DEUP1: variants seen among roughly 807,000 people sequenced by gnomAD.
DEUP1 encodes the protein coiled-coil domain containing 67.
A neutral mutation model predicts 87.4 loss-of-function variants in DEUP1; 82 were observed. The observed-to-expected ratio is 0.94, with a 90% CI of 0.78 to 1.13. The LOEUF (loss-of-function observed/expected upper bound fraction) is 1.13, where lower values mean the gene tolerates loss of function less well. DEUP1 is among the 50% of genes most tolerant of loss of function. The pLI is 0.00. For missense variants in DEUP1, 663 were observed against 681.5 expected (o/e 0.97, Z 0.30); for synonymous variants, 214 against 222.7 (o/e 0.96, Z 0.35).
At chr11:93,430,950 G>C (rs541306857) in intron 13 of DEUP1, among the ~76,000 whole-genome samples, 10 of 152,060 alleles carry the variant, frequency 6.6e-5, no homozygotes, top group Non-Finnish European at 8.8e-5. Flanking sequence ...ACAAAAATTG[G>C]CTGGGCGTGG....
At chr11:93,414,228 T>C (rs906462992) in intron 12 of DEUP1, among the ~76,000 whole-genome samples, 1 of 152,060 alleles carries the variant, frequency 6.6e-6, no homozygotes, top group South Asian at 2.1e-4. Context: ...CAAAGACTTG[T>C]TGGCTGGGCG....
In DEUP1 at chr11:93,389,144, T is replaced by C; in HGVS notation, c.1041+19T>C. On this transcript the variant is annotated intron_variant, in intron 9 of 13. Coordinates refer to ENST00000298050, the MANE Select transcript of DEUP1 (RefSeq NM_181645.4). Reference sequence around the variant, plus strand: ...GAACAAGGTATGAAAAATAATGAGCTCCATTCTTCCAGGTAGATGTGAACT... The same window carrying C: ...GAACAAGGTATGAAAAATAATGAGCCCCATTCTTCCAGGTAGATGTGAACT... The C allele has an allele frequency of 2.2e-6, 3 of 1,363,920 alleles. No homozygotes were observed. Among genetic ancestry groups the C allele is most frequent in the Non-Finnish European group, 3.1e-6 (3 of 972,136 alleles). 84.5% of individuals were successfully genotyped at this position (1,363,920 alleles called of 1,614,324 possible).
At chr11:93,392,415 C>A (rs973420567) in intron 9 of DEUP1, among the ~76,000 whole-genome samples, 1 of 151,946 alleles carries the variant, frequency 6.6e-6, no homozygotes, top group African/African-American at 2.4e-5. Flanking sequence ...CAGTAGTCTG[C>A]AAAATAGAGA....
intron 5 of DEUP1, among the ~76,000 whole-genome samples, chr11:93,369,707 G>A (rs1945615423): frequency 1.5e-4 from 1 of 6,476 alleles, no homozygotes; most frequent in Non-Finnish European, 2.9e-4. Context: ...CGAGGCGGGC[G>A]GATCACGAGG....
At chr11:93,344,980 G>C (rs565849221) in intron 2 of DEUP1, among the ~76,000 whole-genome samples, 73 of 151,902 alleles carry the variant, frequency 4.8e-4, no homozygotes, top group African/African-American at 1.7e-3. Context: ...GGACCCATTA[G>C]TTATTTTTCC....
At chr11:93,344,391 A>T (rs1353308965) in intron 2 of DEUP1, among the ~76,000 whole-genome samples, 4 of 152,186 alleles carry the variant, frequency 2.6e-5, no homozygotes, top group Admixed American at 6.6e-5. Context: ...ATTTTGAAAA[A>T]GTTAAGACCT....
intron 13 of DEUP1, among the ~76,000 whole-genome samples, chr11:93,420,800 A>C (rs1326908881): frequency 5.6e-4 from 71 of 126,432 alleles, no homozygotes; most frequent in African/African-American, 2.0e-3. Flanking sequence ...TCATGAGTGA[A>C]CTCCCATTCA....
intron 3 of DEUP1, among the ~76,000 whole-genome samples, chr11:93,356,459 A>T (rs1042373222): frequency 1.3e-5 from 2 of 152,204 alleles, no homozygotes; most frequent in Admixed American, 6.5e-5. Context: ...TGCCTTTTAA[A>T]GAGACAAATT....
At chr11:93,344,917 G>T (rs1013467076) in intron 2 of DEUP1, among the ~76,000 whole-genome samples, 1 of 150,056 alleles carries the variant, frequency 6.7e-6, no homozygotes, top group South Asian at 2.1e-4. Context: ...AGGTAAACTT[G>T]TGTCATGGGG....
intron 2 of DEUP1, among the ~76,000 whole-genome samples, chr11:93,337,869 C>T (rs3019216): frequency 0.99 from 151,281 of 152,336 alleles, 75,125 homozygotes; most frequent in East Asian, 1. Flanking sequence ...ACATACGTTT[C>T]ACAGGAAAAT....
At chr11:93,361,816 A>G (rs765822326) in intron 4 of DEUP1, among the ~76,000 whole-genome samples, 3 of 152,124 alleles carry the variant, frequency 2.0e-5, no homozygotes, top group Non-Finnish European at 4.4e-5. Flanking sequence ...AAATACACCA[A>G]CTGAAAGACA....
At chr11:93,373,630 T>TATATTTATATATGTATATATATATGC (rs1945874028) in intron 7 of DEUP1, among the ~76,000 whole-genome samples, 1 of 144,484 alleles carries the variant, frequency 6.9e-6, no homozygotes, top group African/African-American at 2.5e-5. Context: ...TATACGTATA[T>TATATTTATATATGTATATATATATGC]ATATATATAT....
Position 93,394,494 on chromosome 11 carries a change from T to C in DEUP1, c.1077T>C (p.His359=), listed in dbSNP as rs1166629920. The part of the protein sequence containing the change: ...RSQLQQVEEY[H]NSEQERMRNE... Reference sequence around the variant, plus strand: ...AACTCCAACAGGTGGAAGAGTACCATAACTCTGAGCAGGAAAGAATGAGGA... The same window carrying C: ...AACTCCAACAGGTGGAAGAGTACCACAACTCTGAGCAGGAAAGAATGAGGA... The change falls in exon 10 of 14, where the codon CAT becomes CAC. Residue 359 remains histidine, a synonymous_variant. Transcript: ENST00000298050. 5 of 1,600,224 alleles carry C rather than the reference T, an allele frequency of 3.1e-6. No homozygotes were observed. The South Asian group carries it at 4.6e-5, about 15-fold the overall frequency.
At chr11:93,386,670 T>C (rs1253784307) in intron 8 of DEUP1, among the ~76,000 whole-genome samples, 1 of 152,174 alleles carries the variant, frequency 6.6e-6, no homozygotes, top group Non-Finnish European at 1.5e-5. Flanking sequence ...AAATGACCTA[T>C]TTGTGTGTCT....
chr11:93,411,716 C>G (rs1432760925), intron 12 of DEUP1, among the ~76,000 whole-genome samples: 1 of 151,998 alleles, frequency 6.6e-6, no homozygotes, highest in Non-Finnish European at 1.5e-5. Flanking sequence ...ATTTTAATGA[C>G]AAATCAATTT....
rs1191695946 is a variant in DEUP1, at chr11:93,389,008, T to C, written c.936-12T>C. On this transcript the variant is annotated splice_polypyrimidine_tract_variant and intron_variant, in intron 8 of 13. Transcript: ENST00000298050. ...GCTTAATTTTAATCATTATTTTATGTTTAATTTGTAGACTTGAATCATCTT... is the reference window on the plus strand; with the variant it reads ...GCTTAATTTTAATCATTATTTTATGCTTAATTTGTAGACTTGAATCATCTT... 3.7e-6 allele frequency: 5 copies of C among 1,343,680 alleles called. No individual in the cohort carries two copies. The highest frequency in any genetic ancestry group is 4.2e-6 in the Non-Finnish European group (4 of 957,600). 83.2% of individuals were successfully genotyped at this position (1,343,680 alleles called of 1,614,324 possible). A position where few individuals can be genotyped will look rare whatever the true frequency, so the allele number is the denominator to read the frequency against.
intron 7 of DEUP1, among the ~76,000 whole-genome samples, chr11:93,372,297 C>A (rs1181843316): frequency 6.6e-6 from 1 of 152,098 alleles, no homozygotes; most frequent in Non-Finnish European, 1.5e-5. Flanking sequence ...TTTTTTCTCC[C>A]ACCTCCAAAT....
intron 1 of DEUP1, among the ~76,000 whole-genome samples, 169 bp from the exon 2 acceptor site, chr11:93,332,043 AAAAC>A (rs1943518249): frequency 6.6e-6 from 1 of 152,332 alleles, no homozygotes; most frequent in African/African-American, 2.4e-5. Context: ...TCCGTCTCAA[AAAAC>A]AAACAAAAAA....
chr11:93,402,675 GAAAAAAT>G (rs1220498488), intron 11 of DEUP1, among the ~76,000 whole-genome samples: 2 of 151,406 alleles, frequency 1.3e-5, no homozygotes, highest in Non-Finnish European at 3.0e-5. Context: ...TATTCAGCCA[GAAAAAAT>G]AAAAAATAAA....
Sources: allele counts gnomAD v4.1 joint callset (sites outside exome capture counted in the v4.1 genomes callset), GRCh38; gene constraint gnomAD v4.1.1; transcripts MANE v1.5; gene names NCBI Gene and HGNC (gene_info 2026-07-23, HGNC 2026-07-21).